WDTC1: variants seen among roughly 807,000 people sequenced by gnomAD.
WDTC1 encodes the protein WD and tetratricopeptide repeats protein 1.
In WDTC1, 12 loss-of-function variants were observed where a neutral mutation model predicts 76.0. The ratio of observed to expected loss-of-function variants is 0.16; its 90% CI spans 0.10 to 0.26. The LOEUF is 0.26. Ranked by LOEUF, WDTC1 falls within the 10% of genes least tolerant of loss-of-function variation. WDTC1 has a pLI of 1.00. For synonymous variants in WDTC1, 326 were observed against 350.8 expected (o/e 0.93, Z 0.79); for missense variants, 511 against 908.8 (o/e 0.56, Z 5.63).
intron 1 of WDTC1, among the ~76,000 whole-genome samples, chr1:27,242,324 C>T (rs924511794): frequency 2.6e-5 from 4 of 152,060 alleles, no homozygotes; most frequent in African/African-American, 7.2e-5. Flanking sequence ...ATAAAAGTAG[C>T]CAGGCATGGT....
rs777009943 is a variant in WDTC1, at chr1:27,294,502, T to C, written c.758-12T>C. 39 of 1,613,288 alleles carry C rather than the reference T, an allele frequency of 2.4e-5. No homozygotes were observed. The highest frequency in any genetic ancestry group is 3.3e-5 in the Admixed American group (2 of 60,004). ...GACTGGGACCCTAGTATGACTGGGCTATTCCCTGCAGGTCACCTGCCAGTG... is the reference window on the plus strand; with the variant it reads ...GACTGGGACCCTAGTATGACTGGGCCATTCCCTGCAGGTCACCTGCCAGTG... On this transcript the variant is annotated splice_polypyrimidine_tract_variant and intron_variant, in intron 8 of 15. Coordinates refer to ENST00000319394, the MANE Select transcript of WDTC1 (RefSeq NM_001276252.2).
intron 3 of WDTC1, among the ~76,000 whole-genome samples, chr1:27,272,107 G>A (rs749971397): frequency 2.6e-5 from 4 of 151,490 alleles, no homozygotes; most frequent in Non-Finnish European, 4.4e-5. Flanking sequence ...TTAGCCGTGC[G>A]AGGTGGTGCA....
chr1:27,259,485 A>G (rs983364851), intron 1 of WDTC1, among the ~76,000 whole-genome samples: 1 of 151,324 alleles, frequency 6.6e-6, no homozygotes, highest in Non-Finnish European at 1.5e-5. Flanking sequence ...GAGTTTTGTT[A>G]TGATAAAATT....
intron 3 of WDTC1, among the ~76,000 whole-genome samples, chr1:27,272,017 G>A (rs1337850297): frequency 1.7e-4 from 26 of 150,152 alleles, no homozygotes; most frequent in African/African-American, 5.8e-4. Flanking sequence ...AGGCCGAGGC[G>A]GGCGGATCAC....
In WDTC1 at chr1:27,282,304, A is replaced by T. The variant is rs200029414; in HGVS notation, c.179+19A>T. 1,780 of 1,613,102 alleles carry T rather than the reference A, an allele frequency of 1.1e-3. 2 individuals carry two copies. The highest frequency in any genetic ancestry group is 1.5e-3 in the Non-Finnish European group (1,713 of 1,179,388). Reference sequence around the variant, plus strand: ...AAGGAGAGTAAGTATGAGCTAGAGCACCTGAAGGGTGCTGGGGAAGGAAGT... The same window carrying T: ...AAGGAGAGTAAGTATGAGCTAGAGCTCCTGAAGGGTGCTGGGGAAGGAAGT... On this transcript the variant is annotated intron_variant, in intron 4 of 15. Transcript: ENST00000319394.
At chr1:27,304,938 C>T (rs2013916504) in intron 14 of WDTC1, 63 bp from the exon 15 acceptor site, 3 of 1,513,586 alleles carry the variant, frequency 2.0e-6, no homozygotes, top group Non-Finnish European at 1.8e-6. Flanking sequence ...GGCCATGCAG[C>T]CTCTACTTGA....
In WDTC1 at chr1:27,301,767, C is replaced by T. The variant is rs1470796603; in HGVS notation, c.1468+306C>T. ...AGGAAGCTGAGCTCAGTCAGGCTCC[C>T]GCTAGGCATTCACACCTGCTTAGAC... On this transcript the variant is annotated intron_variant, in intron 13 of 15. Coordinates refer to ENST00000319394, the MANE Select transcript of WDTC1 (RefSeq NM_001276252.2). This position sits in a 1 kb window ranked among gnomAD's most constrained non-coding sequence, Gnocchi z 5.8. Among the ~76,000 whole-genome samples the T allele has an allele frequency of 1.3e-5, 2 of 152,184 alleles. No individual in the cohort carries two copies. Among genetic ancestry groups the T allele is most frequent in the Non-Finnish European group, 2.9e-5 (2 of 68,026 alleles).
chr1:27,256,615 T>C (rs1270150427), intron 1 of WDTC1, among the ~76,000 whole-genome samples: 1 of 152,246 alleles, frequency 6.6e-6, no homozygotes, highest in African/African-American at 2.4e-5. Context: ...TCATACACTT[T>C]CCACTACTGG....
rs536496720 is a variant in WDTC1, at chr1:27,268,992, G to A, written c.132+5757G>A. Among the ~76,000 whole-genome samples, 7 of 150,362 alleles carry A rather than the reference G, an allele frequency of 4.7e-5. No homozygotes were observed. The East Asian group carries it at 1.4e-3, about 31-fold the overall frequency. Reference sequence around the variant, plus strand: ...AGCCTCCCAAAGTGCTGGGATTACAGGTGTGAGCCACTGCGCCCAGCCCAA... The same window carrying A: ...AGCCTCCCAAAGTGCTGGGATTACAAGTGTGAGCCACTGCGCCCAGCCCAA... On this transcript the variant is annotated intron_variant, in intron 3 of 15. Coordinates refer to ENST00000319394, the MANE Select transcript of WDTC1 (RefSeq NM_001276252.2).
intron 6 of WDTC1, among the ~76,000 whole-genome samples, chr1:27,288,824 A>C (rs1333052152): frequency 1.3e-5 from 2 of 151,558 alleles, no homozygotes; most frequent in African/African-American, 2.4e-5. Flanking sequence ...ATTCCACAAA[A>C]CCGCCATTGT....
At chr1:27,281,743 C>T (rs1570969075) in intron 3 of WDTC1, among the ~76,000 whole-genome samples, 1 of 152,024 alleles carries the variant, frequency 6.6e-6, no homozygotes, top group Admixed American at 6.6e-5. Flanking sequence ...GCACATGCCA[C>T]CACACCCAAC....
At chr1:27,276,748 G>A (rs1003671642) in intron 3 of WDTC1, among the ~76,000 whole-genome samples, 1 of 151,714 alleles carries the variant, frequency 6.6e-6, no homozygotes, top group Non-Finnish European at 1.5e-5. Context: ...CCTCCTGGTG[G>A]GTGTGAAGTG....
chr1:27,285,384 A>G (rs972685656), intron 5 of WDTC1, among the ~76,000 whole-genome samples: 29 of 152,004 alleles, frequency 1.9e-4, no homozygotes, highest in Admixed American at 2.0e-4. Flanking sequence ...GAAAGAGTGA[A>G]TTGTTGTTCT....
At chr1:27,240,978 A>AAC (rs1553127580) in intron 1 of WDTC1, among the ~76,000 whole-genome samples, 1 of 151,504 alleles carries the variant, frequency 6.6e-6, no homozygotes, top group African/African-American at 2.4e-5. Flanking sequence ...ATCTCAAAAA[A>AAC]AAAAAACAAA....
At position 27,234,886 on chromosome 1, in the gene WDTC1, C is replaced by A. The variant is rs974285574; in HGVS notation, c.-165C>A. On this transcript the variant is annotated 5_prime_UTR_variant, in exon 1 of 16. Transcript: ENST00000319394. ...GCCCCCCTTCCCGGGAGAGGGGCCG[C>A]CCCCCCCGGACGGACATGGGCTCCT... 4 of 388,536 alleles carry A rather than the reference C, an allele frequency of 1.0e-5. No homozygotes were observed. The highest frequency in any genetic ancestry group is 1.8e-5 in the Non-Finnish European group (4 of 220,252). The allele number at this position is 388,536 out of a possible 1,614,324, so 24.1% of individuals were successfully genotyped here.
intron 13 of WDTC1, among the ~76,000 whole-genome samples, chr1:27,302,193 G>A (rs2013848433): frequency 6.6e-6 from 1 of 152,182 alleles, no homozygotes; most frequent in African/African-American, 2.4e-5. Context: ...CATGTGCCAG[G>A]CACTGTGCTG....
At chr1:27,300,446 A>T (rs1223015797) in intron 12 of WDTC1, among the ~76,000 whole-genome samples, 1 of 152,106 alleles carries the variant, frequency 6.6e-6, no homozygotes, top group Non-Finnish European at 1.5e-5. Context: ...ATTCTGGCAC[A>T]GGGTGGGAAA....
intron 4 of WDTC1, among the ~76,000 whole-genome samples, chr1:27,282,905 C>T (rs531084549): frequency 6.6e-5 from 10 of 151,756 alleles, no homozygotes; most frequent in Admixed American, 2.6e-4. Context: ...TTTGGGAGGC[C>T]GAGGCGGGTG....
chr1:27,287,683 C>A lies in WDTC1; in HGVS notation c.301C>A (p.His101Asn), dbSNP rs781194309. The A allele has an allele frequency of 3.9e-5, 63 of 1,613,526 alleles. 1 individual carries two copies. The highest frequency in any genetic ancestry group is 5.3e-5 in the Non-Finnish European group (62 of 1,179,834). ...ANIFSVKFLPHAGDRILITGA... is the reference protein window; with the variant it reads ...ANIFSVKFLPNAGDRILITGA... ...CATTTCTCCTATATAGTTCCTGCCT[C>A]ACGCTGGGGACCGCATCTTGATCAC... is the stretch of plus-strand genomic sequence containing the variant. Residue 101 changes from histidine to asparagine, a missense_variant, in exon 6 of 16, where the codon CAC becomes AAC. Physicochemically the swap from His to Asn is moderately conservative, Grantham distance 68. Coordinates refer to ENST00000319394, the MANE Select transcript of WDTC1 (RefSeq NM_001276252.2).
Sources: gnomAD v4.1 joint callset for allele counts (sites outside exome capture counted in the v4.1 genomes callset) on GRCh38, gnomAD v4.1.1 for gene constraint, Gnocchi (gnomAD v3.1) non-coding constraint, MANE v1.5 for transcripts, NCBI Gene and HGNC (gene_info 2026-07-23, HGNC 2026-07-21) for gene names.